C12orf75: variants seen among roughly 807,000 people sequenced by gnomAD.
C12orf75 encodes chromosome 12 open reading frame 75.
A neutral mutation model predicts 11.4 loss-of-function variants in C12orf75; 4 were observed. The ratio of observed to expected loss-of-function variants is 0.35; its 90% CI spans 0.17 to 0.80. C12orf75 has a LOEUF of 0.80. Ranked by LOEUF, C12orf75 falls within the 30% of genes least tolerant of loss-of-function variation. The pLI is 0.52. For missense variants in C12orf75, 89 were observed against 80.4 expected, an observed-to-expected ratio of 1.11 and a Z score of -0.41; for synonymous variants, 30 against 30.0, an observed-to-expected ratio of 1.00 and a Z score of 0.00.
At position 105,366,657 on chromosome 12, in the gene C12orf75, G is replaced by A. The variant is rs374828234; in HGVS notation, c.148G>A (p.Val50Ile). Residue 50 changes from valine (V) to isoleucine (I), a missense_variant, in exon 4 of 6, where the codon GTC becomes ATC. By Grantham distance (29) the Val-to-Ile change is conservative (BLOSUM62 3). Transcript: ENST00000443585. ...GVYVGLPSEA[V>I]NMVSSQTKTV... ...ATATGTTGGCCTACCATCTGAAGCT[G>A]TCAATATGGTGTCCAGTCAAACAAA... 9.1e-6 allele frequency: 14 copies of A among 1,544,388 alleles called. No individual in the cohort carries two copies. The African/African-American group carries it at 1.9e-4, about 21-fold the overall frequency.
intron 1 of C12orf75, among the ~76,000 whole-genome samples, chr12:105,331,857 C>G (rs11112469): frequency 1.3e-5 from 2 of 152,174 alleles, no homozygotes; most frequent in Middle Eastern, 3.4e-3. Context: ...TTGAAGTCAA[C>G]CAGATGCCAC....
At chr12:105,332,146 AACCT>A (rs1214897969) in intron 1 of C12orf75, among the ~76,000 whole-genome samples, 5 of 152,198 alleles carry the variant, frequency 3.3e-5, no homozygotes, top group African/African-American at 1.2e-4. Flanking sequence ...ACGGGCTTCA[AACCT>A]GCCTGTGGCC....
chr12:105,369,319 A>G (rs1035591357), intron 5 of C12orf75, among the ~76,000 whole-genome samples: 1 of 152,242 alleles, frequency 6.6e-6, no homozygotes, highest in Admixed American at 6.5e-5. Flanking sequence ...TAGCTAAAAC[A>G]TTTCTTACTG....
chr12:105,332,749 A>G (rs1282663659), intron 1 of C12orf75, among the ~76,000 whole-genome samples: 1 of 151,350 alleles, frequency 6.6e-6, no homozygotes, highest in Non-Finnish European at 1.5e-5. Flanking sequence ...AAAAAAAAAA[A>G]AGAAAAGAAA....
At chr12:105,332,301 T>TA (rs900954087) in intron 1 of C12orf75, among the ~76,000 whole-genome samples, 19 of 152,038 alleles carry the variant, frequency 1.2e-4, no homozygotes, top group Non-Finnish European at 2.4e-4. Flanking sequence ...TTATCCACAT[T>TA]AAAAAAAATT....
At position 105,357,857 on chromosome 12, in the gene C12orf75, C is replaced by T. The variant is rs11615577; in HGVS notation, c.72-7950C>T. ...AGAGAGAGAGAGACAGACAGACAGACAGACAGACACAGGGTCTTGCTCTGT... is the reference window on the plus strand; with the variant it reads ...AGAGAGAGAGAGACAGACAGACAGATAGACAGACACAGGGTCTTGCTCTGT... On this transcript the variant is annotated intron_variant, in intron 2 of 5. Coordinates refer to ENST00000443585, the MANE Select transcript of C12orf75 (RefSeq NM_001145199.2). Among the ~76,000 whole-genome samples, 4 of 149,752 alleles carry T rather than the reference C, an allele frequency of 2.7e-5. No individual in the cohort carries two copies. The East Asian group carries it at 7.9e-4, about 30-fold the overall frequency.
chr12:105,365,367 T>G lies in C12orf75; in HGVS notation c.72-440T>G, dbSNP rs1311630004. Among the ~76,000 whole-genome samples, 7 of 152,294 alleles carry G rather than the reference T, an allele frequency of 4.6e-5. No homozygotes were observed. In the East Asian group the frequency reaches 1.4e-3, roughly 29 times the overall value. ...GTCATAAGAGATCTAAAACCATGTA[T>G]TAGGACTGGAAGAGACCTGAGGGGT... On this transcript the variant is annotated intron_variant, in intron 2 of 5. Coordinates refer to ENST00000443585, the MANE Select transcript of C12orf75 (RefSeq NM_001145199.2).
chr12:105,348,868 T>C (rs1892675032), intron 2 of C12orf75, among the ~76,000 whole-genome samples: 1 of 152,204 alleles, frequency 6.6e-6, no homozygotes, highest in Non-Finnish European at 1.5e-5. Context: ...AGGGGAAATG[T>C]TGAATTGTGT....
intron 2 of C12orf75, among the ~76,000 whole-genome samples, chr12:105,363,519 G>A (rs1272793636): frequency 2.0e-5 from 3 of 152,290 alleles, no homozygotes; most frequent in Admixed American, 6.5e-5. Flanking sequence ...GAGGTCAGGA[G>A]ATCAAGACCA....
chr12:105,347,262 T>C (rs1207366791), intron 1 of C12orf75, among the ~76,000 whole-genome samples: 5 of 152,192 alleles, frequency 3.3e-5, no homozygotes, highest in African/African-American at 1.2e-4. Context: ...GGGAGAGAAC[T>C]AATAGGATAG....
In C12orf75 at chr12:105,354,264, A is replaced by C. The variant is rs374787133; in HGVS notation, c.71+5638A>C. On this transcript the variant is annotated intron_variant, in intron 2 of 5. Coordinates refer to ENST00000443585, the MANE Select transcript of C12orf75 (RefSeq NM_001145199.2). The stretch of plus-strand genomic sequence containing the variant: ...TGTGTTACATTGTGTCCTTAGTATA[A>C]TTATCTGTGAAATTGGGATAATATA... Among the ~76,000 whole-genome samples the C allele has an allele frequency of 1.9e-4, 29 of 152,298 alleles. No homozygotes were observed. In the South Asian group the frequency reaches 5.4e-3, roughly 28 times the overall value.
At chr12:105,338,527 G>A (rs1004870512) in intron 1 of C12orf75, among the ~76,000 whole-genome samples, 11 of 152,118 alleles carry the variant, frequency 7.2e-5, no homozygotes, top group African/African-American at 2.7e-4. Context: ...GTTCATTTTT[G>A]TGTTGCTATA....
In C12orf75 at chr12:105,356,480, A is replaced by C. The variant is rs573134663; in HGVS notation, c.71+7854A>C. Among the ~76,000 whole-genome samples, 46 of 143,126 alleles carry C rather than the reference A, an allele frequency of 3.2e-4. No homozygotes were observed. The South Asian group carries it at 5.4e-3, about 17-fold the overall frequency. 93.9% of individuals were successfully genotyped at this position (143,126 alleles called of 152,430 possible). The stretch of plus-strand genomic sequence containing the variant: ...TTTTTTGCTTTTTAGATCATCTCTA[A>C]TAAGAATAGCTGTATATTTAGAACA... On this transcript the variant is annotated intron_variant, in intron 2 of 5. Transcript: ENST00000443585.
At chr12:105,332,763 A>G (rs970777316) in intron 1 of C12orf75, among the ~76,000 whole-genome samples, 3 of 151,896 alleles carry the variant, frequency 2.0e-5, no homozygotes, top group African/African-American at 7.2e-5. Context: ...AAAGAAAAGA[A>G]AATAGAAAGA....
intron 1 of C12orf75, among the ~76,000 whole-genome samples, chr12:105,339,878 C>T (rs1221141429): frequency 6.6e-6 from 1 of 151,990 alleles, no homozygotes; most frequent in Non-Finnish European, 1.5e-5. Flanking sequence ...CCTCAGCCTC[C>T]CAAAATGCTG....
chr12:105,356,296 G>A (rs1286552156), intron 2 of C12orf75, among the ~76,000 whole-genome samples: 1 of 152,084 alleles, frequency 6.6e-6, no homozygotes, highest in Non-Finnish European at 1.5e-5. Context: ...TATTCCAGAA[G>A]GTTATCATGA....
chr12:105,370,001 A>G (rs1278855131), intron 5 of C12orf75, among the ~76,000 whole-genome samples: 7 of 152,252 alleles, frequency 4.6e-5, no homozygotes, highest in African/African-American at 1.7e-4. Flanking sequence ...TCTCTGAACT[A>G]AATGCACTCA....
intron 2 of C12orf75, among the ~76,000 whole-genome samples, chr12:105,354,056 G>A (rs750442167): frequency 1.2e-4 from 19 of 152,178 alleles, no homozygotes; most frequent in Non-Finnish European, 2.4e-4. Context: ...TGTCAGCTGA[G>A]CCCTCTCTGC....
intron 2 of C12orf75, among the ~76,000 whole-genome samples, chr12:105,353,989 T>C (rs1473511704): frequency 6.6e-6 from 1 of 152,194 alleles, no homozygotes; most frequent in Non-Finnish European, 1.5e-5. Flanking sequence ...AAATGATAAA[T>C]CTTTTATGTT....
Sources: allele counts gnomAD v4.1 joint callset (sites outside exome capture counted in the v4.1 genomes callset), GRCh38; gene constraint gnomAD v4.1.1; transcripts MANE v1.5; gene names NCBI Gene and HGNC (gene_info 2026-07-23, HGNC 2026-07-21).